The following ARID1B variants were observed in gnomAD, a reference collection of about 807,000 sequenced individuals.
ARID1B encodes the protein AT-rich interaction domain 1B, also known as AT-rich interactive domain-containing protein 1B.
Under a neutral mutation model 212.3 loss-of-function variants are expected in ARID1B, and 30 were observed. That is an observed-to-expected ratio of 0.14 (90% CI 0.11 to 0.19). The LOEUF is 0.19. Among genes scored for constraint, ARID1B ranks in the 10% least tolerant of loss-of-function variants. The pLI, the probability that ARID1B is intolerant of heterozygous loss-of-function variation, is 1.00. For missense variants in ARID1B, 2,891 were observed against 3,204.0 expected (o/e 0.90, Z 2.36); for synonymous variants, 1,402 against 1,301.7 (o/e 1.08, Z -1.66).
intron 4 of ARID1B, among the ~76,000 whole-genome samples, chr6:157,031,293 T>C (rs1410038693): frequency 6.6e-6 from 1 of 152,186 alleles, no homozygotes; most frequent in Admixed American, 6.5e-5. Context: ...GTATGATTAA[T>C]GGAATAGGTT....
intron 2 of ARID1B, among the ~76,000 whole-genome samples, chr6:156,842,249 T>C (rs2128088097): frequency 6.6e-6 from 1 of 152,310 alleles, no homozygotes; most frequent in African/African-American, 2.4e-5. Context: ...ATGAGACCCC[T>C]GGATTCATTA....
intron 4 of ARID1B, among the ~76,000 whole-genome samples, chr6:157,073,497 A>C (rs747188920): frequency 6.6e-6 from 1 of 152,226 alleles, no homozygotes; most frequent in Non-Finnish European, 1.5e-5. Context: ...CAGTGTTTAA[A>C]AACAGTATGT....
intron 4 of ARID1B, chr6:156,936,326 G>T (rs374392259): frequency 1.6e-5 from 2 of 125,178 alleles, no homozygotes; most frequent in East Asian, 2.4e-4. Context: ...TGGGCAACAA[G>T]AGCGAAACTT....
intron 1 of ARID1B, among the ~76,000 whole-genome samples, chr6:156,816,252 AAGTC>A (rs1450122256): frequency 4.6e-5 from 7 of 152,246 alleles, no homozygotes; most frequent in Non-Finnish European, 1.5e-5. Flanking sequence ...TGCCTGTTAT[AAGTC>A]AGACAGCATA....
At chr6:157,165,248 T>G (rs1314845602) in intron 8 of ARID1B, among the ~76,000 whole-genome samples, 1 of 152,230 alleles carries the variant, frequency 6.6e-6, no homozygotes, top group African/African-American at 2.4e-5. Context: ...ATTCTAATTC[T>G]GATTTAGCAG....
rs780386457 is a variant in ARID1B, at chr6:157,207,062, T to C, written c.6290T>C (p.Ile2097Thr). 6.2e-7 allele frequency: 1 copy of C among 1,614,154 alleles called. No individual in the cohort carries two copies. The highest frequency in any genetic ancestry group is 1.7e-5 in the Admixed American group (1 of 60,024). Residue 2097 changes from isoleucine (I) to threonine (T), a missense_variant, in exon 20 of 20, where the codon ATC (isoleucine) becomes ACC (threonine). Coordinates refer to ENST00000636930, the MANE Select transcript of ARID1B (RefSeq NM_001374828.1). The surrounding 1 kb of genome is among the most constrained non-coding windows in gnomAD (Gnocchi z 8.5). ...TCCAAACATCCAGGCCTGGTGCTGA[T>C]CCTGGGGAAGCTGATTCTTCTTCAC... ...EMSKHPGLVL[I>T]LGKLILLHHE...
intron 4 of ARID1B, among the ~76,000 whole-genome samples, chr6:156,960,184 C>T (rs1050754436): frequency 6.6e-6 from 1 of 152,124 alleles, no homozygotes; most frequent in Admixed American, 6.5e-5. Context: ...CCACCTCGGC[C>T]TCCCACAGTG....
chr6:156,985,360 G>A (rs1777858694), intron 4 of ARID1B: 1 of 152,248 alleles, frequency 6.6e-6, no homozygotes, highest in Admixed American at 6.5e-5. Flanking sequence ...TGTATAAAAT[G>A]TAAAGGAAGG....
chr6:157,039,875 T>TTC (rs1224369763), intron 4 of ARID1B, among the ~76,000 whole-genome samples: 18,379 of 105,336 alleles, frequency 0.17, 1,974 homozygotes, highest in East Asian at 0.22. Context: ...TCTTTCTCTT[T>TTC]CTTTTCTCTT....
chr6:157,189,942 C>T, intron 14 of ARID1B, 96 bp from the exon 15 acceptor site: 2 of 1,576,160 alleles, frequency 1.3e-6, no homozygotes, highest in Non-Finnish European at 1.7e-6. Flanking sequence ...ATGGTTTTTG[C>T]ATTTGCACAT....
At chr6:157,011,043 T>C (rs1779575919) in intron 4 of ARID1B, among the ~76,000 whole-genome samples, 1 of 152,198 alleles carries the variant, frequency 6.6e-6, no homozygotes, top group Non-Finnish European at 1.5e-5. Flanking sequence ...TTTTTTAAGT[T>C]TTTTTGGTTT....
In ARID1B at chr6:156,890,791, T is replaced by A. The variant is rs187704921; in HGVS notation, c.1987-10585T>A. Among the ~76,000 whole-genome samples the A allele has an allele frequency of 8.2e-3, 1,247 of 152,384 alleles. 25 individuals are homozygous for A. The highest frequency in any genetic ancestry group is 0.028 in the African/African-American group (1,176 of 41,590). The stretch of plus-strand genomic sequence containing the variant: ...AATTGGAGGGAACTTAGCTTTAGTA[T>A]ACAGTGCATACAGTAAGTGCTCAAT... On this transcript the variant is annotated intron_variant, in intron 2 of 19. Coordinates refer to ENST00000636930, the MANE Select transcript of ARID1B (RefSeq NM_001374828.1).
chr6:157,022,836 A>ACC (rs1780407749), intron 4 of ARID1B: 1 of 152,244 alleles, frequency 6.6e-6, no homozygotes, highest in Admixed American at 6.5e-5. Flanking sequence ...ATCCATTATA[A>ACC]CAACGTAGGG....
rs1554247264 is a variant in ARID1B, at chr6:156,778,192, A to G, written c.512A>G (p.His171Arg). 1.3e-6 allele frequency: 2 copies of G among 1,539,272 alleles called. No homozygotes were observed. The highest frequency in any genetic ancestry group is 1.4e-5 in the African/African-American group (1 of 72,620). ...APPHQQHHHH[H>R]HAHHHHHHAH... ...CCCCACCAGCAGCACCACCACCACCACCATGCCCACCACCACCACCACCAT... is the reference window on the plus strand; with the variant it reads ...CCCCACCAGCAGCACCACCACCACCGCCATGCCCACCACCACCACCACCAT... Residue 171 changes from histidine (H) to arginine (R), a missense_variant, in exon 1 of 20, where the codon CAC becomes CGC. Physicochemically the swap from His to Arg is conservative, Grantham distance 29 (BLOSUM62 0). This residue lies in a region of ARID1B where 1,643 missense variants were observed against 1,544.0 expected (regional missense o/e 1.06). Transcript: ENST00000636930.
intron 1 of ARID1B, among the ~76,000 whole-genome samples, chr6:156,793,832 AAGCAAT>A (rs1458148386): frequency 1.3e-5 from 2 of 152,254 alleles, no homozygotes; most frequent in African/African-American, 4.8e-5. Flanking sequence ...CTATAATAAA[AAGCAAT>A]AGTAATAGTA....
At chr6:157,020,464 ATTTT>A (rs952961321) in intron 4 of ARID1B, among the ~76,000 whole-genome samples, 9 of 152,056 alleles carry the variant, frequency 5.9e-5, no homozygotes, top group African/African-American at 1.9e-4. Flanking sequence ...TATGAAATTA[ATTTT>A]TTTTAATTAA....
intron 2 of ARID1B, among the ~76,000 whole-genome samples, chr6:156,837,615 A>T (rs1783601647): frequency 6.6e-6 from 1 of 152,250 alleles, no homozygotes; most frequent in African/African-American, 2.4e-5. Context: ...TTTACATGTA[A>T]TAAATTTATT....
At chr6:156,890,589 G>C (rs1787850390) in intron 2 of ARID1B, among the ~76,000 whole-genome samples, 1 of 152,222 alleles carries the variant, frequency 6.6e-6, no homozygotes, top group Non-Finnish European at 1.5e-5. Context: ...CCAGGGCCCA[G>C]GCCAGAACAT....
rs1794415814 is a variant in ARID1B, at chr6:157,206,028, T to C, written c.5395-139T>C. 2.0e-6 allele frequency: 2 copies of C among 977,140 alleles called. No homozygotes were observed. The highest frequency in any genetic ancestry group is 3.2e-5 in the South Asian group (2 of 62,724). 60.5% of individuals were successfully genotyped at this position (977,140 alleles called of 1,614,324 possible). On this transcript the variant is annotated intron_variant, in intron 19 of 19. Coordinates refer to ENST00000636930, the MANE Select transcript of ARID1B (RefSeq NM_001374828.1). This position sits in a 1 kb window ranked among gnomAD's most constrained non-coding sequence, Gnocchi z 6.8. ...CTGAAGGGTAGTTTATCTTTCATGG[T>C]CCAGCCAAAAAGGGAGACAAACGTG...
Sources: allele counts gnomAD v4.1 joint callset (sites outside exome capture counted in the v4.1 genomes callset), GRCh38; gene constraint gnomAD v4.1.1; regional missense constraint gnomAD v4.1.1; non-coding constraint Gnocchi (gnomAD v3.1); transcripts MANE v1.5; gene names NCBI Gene and HGNC (gene_info 2026-07-23, HGNC 2026-07-21).